IPO9: variants seen among roughly 807,000 people sequenced by gnomAD.
IPO9 encodes the protein importin 9, also known as importin-9.
Under a neutral mutation model 128.6 loss-of-function variants are expected in IPO9, and 28 were observed. The observed-to-expected ratio is 0.22, with a 90% CI of 0.16 to 0.30. IPO9 has a LOEUF of 0.30. IPO9 is among the 10% of genes least tolerant of loss of function. The pLI, the probability that IPO9 is intolerant of heterozygous loss-of-function variation, is 1.00. For missense variants in IPO9, 935 were observed against 1,293.9 expected (o/e 0.72, Z 4.26); for synonymous variants, 455 against 475.8 (o/e 0.96, Z 0.57).
rs1397421830 is a variant in IPO9 at position 201,881,961 on chromosome 1, G to A, written c.*5907G>A. 6.6e-6 allele frequency: 1 copy of A among 152,190 alleles called. No homozygotes were observed. Among genetic ancestry groups the A allele is most frequent in the Admixed American group, 6.5e-5 (1 of 15,282 alleles). 9.4% of individuals were successfully genotyped at this position (152,190 alleles called of 1,614,324 possible). A position where few individuals can be genotyped will look rare whatever the true frequency, so the allele number is the denominator to read the frequency against. On this transcript the variant is annotated 3_prime_UTR_variant, in exon 24 of 24. Coordinates refer to ENST00000361565, the MANE Select transcript of IPO9 (RefSeq NM_018085.5). ...AAAAGTGAGAGCTGTGGAATGAATT[G>A]TCTTAAAATGTTGCAGTGAGTTCCT... is the stretch of plus-strand genomic sequence containing the variant.
At chr1:201,836,153 A>G (rs1212063521) in intron 1 of IPO9, among the ~76,000 whole-genome samples, 1 of 150,006 alleles carries the variant, frequency 6.7e-6, no homozygotes, top group Non-Finnish European at 1.5e-5. Context: ...ACAGACACCA[A>G]TCAGTAAAAC....
At chr1:201,860,316 A>C (rs1001161693) in intron 13 of IPO9, among the ~76,000 whole-genome samples, 1 of 152,196 alleles carries the variant, frequency 6.6e-6, no homozygotes, top group Non-Finnish European at 1.5e-5. Flanking sequence ...CTGAATCACA[A>C]ATTAAAATGG....
At chr1:201,845,295 C>T (rs1680106789) in intron 1 of IPO9, among the ~76,000 whole-genome samples, 1 of 152,144 alleles carries the variant, frequency 6.6e-6, no homozygotes, top group Admixed American at 6.5e-5. Flanking sequence ...GGATTACAGG[C>T]GTGAGCCACC....
chr1:201,842,767 T>C (rs1466398385), intron 1 of IPO9, among the ~76,000 whole-genome samples: 1 of 152,244 alleles, frequency 6.6e-6, no homozygotes, highest in East Asian at 1.9e-4. Flanking sequence ...TTCATCATAT[T>C]GTATGAGTGT....
chr1:201,866,772 G>T lies in IPO9; in HGVS notation c.1668G>T (p.Val556=), dbSNP rs1434271030. 6.2e-7 allele frequency: 1 copy of T among 1,614,026 alleles called. No homozygotes were observed. Among genetic ancestry groups the T allele is most frequent in the East Asian group, 2.2e-5 (1 of 44,884 alleles). ...DQLKVSESTH[V]LQPFLPSILD... ...TGAAAGTCTCAGAGAGTACCCACGT[G>T]CTCCAGCCCTTCCTCCCCAGCATCC... The change falls in exon 15 of 24, where the codon GTG becomes GTT. Residue 556 remains valine, a synonymous_variant. Coordinates refer to ENST00000361565, the MANE Select transcript of IPO9 (RefSeq NM_018085.5).
intron 19 of IPO9, among the ~76,000 whole-genome samples, chr1:201,871,745 A>G (rs558612642): frequency 3.4e-4 from 52 of 152,198 alleles, no homozygotes; most frequent in Non-Finnish European, 6.0e-4. Flanking sequence ...TGACATTTCA[A>G]ATGGCTCTCT....
intron 1 of IPO9, among the ~76,000 whole-genome samples, chr1:201,839,460 C>T (rs1022548111): frequency 6.7e-6 from 1 of 148,982 alleles, no homozygotes; most frequent in African/African-American, 2.5e-5. Context: ...ACTCGGGAGG[C>T]TGAGGCAGGA....
At chr1:201,844,876 T>C (rs6701026) in intron 1 of IPO9, among the ~76,000 whole-genome samples, 52,200 of 152,174 alleles carry the variant, frequency 0.34, 9,850 homozygotes, top group East Asian at 0.69. Context: ...GTATTCATGA[T>C]AGACAATAAA....
intron 18 of IPO9, 64 bp from the exon 19 acceptor site, chr1:201,871,097 C>T: frequency 1.3e-6 from 2 of 1,511,308 alleles, no homozygotes; most frequent in Non-Finnish European, 9.1e-7. Flanking sequence ...CTGGCCAGTT[C>T]CCTCTCATCT....
At chr1:201,829,544 G>A in intron 1 of IPO9, 172 bp downstream of exon 1, 1 of 450,512 alleles carries the variant, frequency 2.2e-6, no homozygotes, top group South Asian at 4.8e-5. Flanking sequence ...TCCGAGAGAG[G>A]AGAGGCGCGC....
intron 3 of IPO9, 96 bp downstream of exon 3, chr1:201,847,734 A>G: frequency 1.2e-6 from 1 of 862,704 alleles, no homozygotes. Context: ...GAGCAATCAA[A>G]AGACTAGGCA....
chr1:201,871,544 C>G (rs1218403373), intron 19 of IPO9, among the ~76,000 whole-genome samples: 1 of 151,980 alleles, frequency 6.6e-6, no homozygotes, highest in East Asian at 1.9e-4. Flanking sequence ...CACCACCATA[C>G]CCAGTGAATT....
At chr1:201,850,997 G>C (rs915494489) in intron 4 of IPO9, among the ~76,000 whole-genome samples, 1 of 151,888 alleles carries the variant, frequency 6.6e-6, no homozygotes, top group Admixed American at 6.6e-5. Flanking sequence ...CAAGTGGTTA[G>C]CTTTATTTTT....
intron 1 of IPO9, among the ~76,000 whole-genome samples, chr1:201,846,133 A>G (rs1167381953): frequency 6.6e-6 from 1 of 152,166 alleles, no homozygotes; most frequent in Non-Finnish European, 1.5e-5. Context: ...TTTAGTAATC[A>G]TTTTTTAAAA....
In IPO9 at chr1:201,853,113, G is replaced by T. The variant is rs779959255; in HGVS notation, c.690+16G>T. On this transcript the variant is annotated intron_variant, in intron 6 of 23. Transcript: ENST00000361565. ...GCTGGAAAAGGTAAGCAGGTCTTTG[G>T]ATCAATAACAGACTTCATGCTTAAA... The T allele has an allele frequency of 6.2e-7, 1 of 1,603,576 alleles. No homozygotes were observed. The highest frequency in any genetic ancestry group is 1.1e-5 in the South Asian group (1 of 90,870).
rs896099120 is a variant in IPO9 at position 201,870,554 on chromosome 1, A to C, written c.2134-29A>C. On this transcript the variant is annotated intron_variant, in intron 17 of 23. Coordinates refer to ENST00000361565, the MANE Select transcript of IPO9 (RefSeq NM_018085.5). This position sits in a 1 kb window ranked among gnomAD's most constrained non-coding sequence, Gnocchi z 4.9. Reference sequence around the variant, plus strand: ...TTCTGGCATCTGTCCCTCGATTACTAATCTTGCTTGCCACCCCTGTCTCCC... The same window carrying C: ...TTCTGGCATCTGTCCCTCGATTACTCATCTTGCTTGCCACCCCTGTCTCCC... The C allele has an allele frequency of 6.2e-7, 1 of 1,601,574 alleles. No individual in the cohort carries two copies. The highest frequency in any genetic ancestry group is 1.3e-5 in the African/African-American group (1 of 74,652).
At chr1:201,859,207 A>ATATATATATATATATATATATATAT (rs1491106859) in intron 13 of IPO9, among the ~76,000 whole-genome samples, 52 of 140,478 alleles carry the variant, frequency 3.7e-4, no homozygotes, top group South Asian at 6.8e-4. Flanking sequence ...ATATATATAT[A>ATATATATATATATATATATATATAT]AAGGAAACTC....
At chr1:201,867,286 A>G (rs149624793) in intron 15 of IPO9, among the ~76,000 whole-genome samples, 1 of 152,288 alleles carries the variant, frequency 6.6e-6, no homozygotes, top group African/African-American at 2.4e-5. Flanking sequence ...AAGCCTCCTA[A>G]AAGAAAAGGG....
Position 201,836,817 on chromosome 1 carries a change from T to C in IPO9, c.163+7445T>C, listed in dbSNP as rs151252736. ...TTTGAATTTTTGAGGCTTTGAAACA[T>C]GTGGTCATGTTGGACATGTGGTCAT... On this transcript the variant is annotated intron_variant, in intron 1 of 23. Coordinates refer to ENST00000361565, the MANE Select transcript of IPO9 (RefSeq NM_018085.5). 1.5e-4 allele frequency among the ~76,000 whole-genome samples: 23 copies of C among 152,288 alleles called. No individual in the cohort carries two copies. The East Asian group carries it at 4.4e-3, about 29-fold the overall frequency.
Sources: gnomAD v4.1 joint callset for allele counts (sites outside exome capture counted in the v4.1 genomes callset) on GRCh38, gnomAD v4.1.1 for gene constraint, Gnocchi (gnomAD v3.1) non-coding constraint, MANE v1.5 for transcripts, NCBI Gene and HGNC (gene_info 2026-07-23, HGNC 2026-07-21) for gene names.